L3MBTL4: variants seen among roughly 807,000 people sequenced by gnomAD.
L3MBTL4 encodes lethal(3)malignant brain tumor-like protein 4.
In L3MBTL4, 70 loss-of-function variants were observed where a neutral mutation model predicts 84.5. That is an observed-to-expected ratio of 0.83 (90% CI 0.68 to 1.01). The LOEUF (loss-of-function observed/expected upper bound fraction) is 1.01. Ranked by LOEUF, L3MBTL4 falls within the 50% of genes least tolerant of loss-of-function variation. The probability of loss-of-function intolerance (pLI) is 0.00; values close to 1 mark genes in which losing one functional copy is unlikely to be tolerated. For missense variants in L3MBTL4, 715 were observed against 754.8 expected (o/e 0.95, Z 0.62); for synonymous variants, 274 against 259.8 (o/e 1.05, Z -0.52).
At chr18:6,325,340 G>A (rs2051658867) in intron 1 of L3MBTL4, among the ~76,000 whole-genome samples, 1 of 152,124 alleles carries the variant, frequency 6.6e-6, no homozygotes, top group South Asian at 2.1e-4. Flanking sequence ...AGCAAAGCAA[G>A]CCAAAAGACT....
intron 1 of L3MBTL4, among the ~76,000 whole-genome samples, chr18:6,322,789 C>CA (rs768697703): frequency 5.3e-5 from 8 of 151,708 alleles, no homozygotes; most frequent in Admixed American, 5.3e-4. Flanking sequence ...AAATGGGTAC[C>CA]AAAAAATAGT....
intron 1 of L3MBTL4, among the ~76,000 whole-genome samples, chr18:6,325,408 C>T (rs1214394627): frequency 6.6e-6 from 1 of 152,158 alleles, no homozygotes; most frequent in Non-Finnish European, 1.5e-5. Context: ...TGAACTCAAA[C>T]TCCTGAGCTC....
intron 16 of L3MBTL4, among the ~76,000 whole-genome samples, chr18:6,074,955 T>G (rs1032967434): frequency 6.6e-6 from 1 of 151,956 alleles, no homozygotes; most frequent in African/African-American, 2.4e-5. Context: ...TTCAGGAACA[T>G]ATATAAAAAG....
intron 1 of L3MBTL4, among the ~76,000 whole-genome samples, chr18:6,361,725 G>A (rs1230252890): frequency 6.6e-6 from 1 of 152,162 alleles, no homozygotes; most frequent in Admixed American, 6.5e-5. Flanking sequence ...GCAGTCCTAT[G>A]CAGGGGTTCC....
At chr18:6,154,658 C>A (rs1308971942) in intron 13 of L3MBTL4, among the ~76,000 whole-genome samples, 1 of 152,200 alleles carries the variant, frequency 6.6e-6, no homozygotes, top group Admixed American at 6.5e-5. Flanking sequence ...TAATGCTCAA[C>A]AACGCCAACT....
At chr18:6,269,911 G>A (rs1442207989) in intron 4 of L3MBTL4, among the ~76,000 whole-genome samples, 1 of 152,190 alleles carries the variant, frequency 6.6e-6, no homozygotes, top group Non-Finnish European at 1.5e-5. Context: ...CAAATGGCAG[G>A]GGTAAAGAAT....
At chr18:6,224,646 C>A (rs1174820508) in intron 10 of L3MBTL4, among the ~76,000 whole-genome samples, 1 of 152,178 alleles carries the variant, frequency 6.6e-6, no homozygotes, top group Non-Finnish European at 1.5e-5. Context: ...CCCAAGTCAT[C>A]CATTCTCACC....
intron 4 of L3MBTL4, among the ~76,000 whole-genome samples, chr18:6,273,885 A>G (rs2048974777): frequency 6.6e-6 from 1 of 152,214 alleles, no homozygotes; most frequent in African/African-American, 2.4e-5. Context: ...TGGTGACTCA[A>G]CAGTTTATTC....
intron 13 of L3MBTL4, among the ~76,000 whole-genome samples, chr18:6,144,268 G>A (rs2042555649): frequency 6.7e-6 from 1 of 149,246 alleles, no homozygotes; most frequent in South Asian, 2.1e-4. Context: ...ACAATGCTGT[G>A]AGATCATCAC....
intron 14 of L3MBTL4, among the ~76,000 whole-genome samples, chr18:6,095,493 G>A (rs2058608726): frequency 6.6e-6 from 1 of 151,982 alleles, no homozygotes; most frequent in African/African-American, 2.4e-5. Flanking sequence ...TGGGACTACA[G>A]GTGCCCACAA....
rs150131801 is a variant in L3MBTL4 at position 6,335,193 on chromosome 18, C to T, written c.-90-23137G>A. Among the ~76,000 whole-genome samples the T allele has an allele frequency of 8.7e-3, 1,322 of 152,258 alleles. 18 individuals carry two copies. The highest frequency in any genetic ancestry group is 0.031 in the African/African-American group (1,277 of 41,554). ...GCAACCTCCGTCTCCTGGGTTCAAG[C>T]AATTGTCCTACCTCAGCCTCCTGAG... On this transcript the variant is annotated intron_variant, in intron 1 of 18. Transcript: ENST00000317931.
intron 1 of L3MBTL4, among the ~76,000 whole-genome samples, chr18:6,350,557 A>G (rs1026314142): frequency 3.4e-4 from 52 of 152,216 alleles, no homozygotes; most frequent in Non-Finnish European, 4.4e-4. Context: ...AAAAAAGAAA[A>G]AAAAAAACGG....
chr18:6,316,844 C>T (rs1408531471), intron 1 of L3MBTL4, among the ~76,000 whole-genome samples: 1 of 152,084 alleles, frequency 6.6e-6, no homozygotes, highest in Non-Finnish European at 1.5e-5. Context: ...CTGAAAGCTC[C>T]CCCAGCCACC....
intron 14 of L3MBTL4, among the ~76,000 whole-genome samples, chr18:6,110,152 C>A (rs967432407): frequency 2.6e-5 from 4 of 152,284 alleles, no homozygotes; most frequent in Middle Eastern, 6.8e-3. Context: ...CTGCTTCTAA[C>A]GGGAAACTCT....
chr18:6,144,868 G>C (rs1320589485), intron 13 of L3MBTL4, among the ~76,000 whole-genome samples: 1 of 152,188 alleles, frequency 6.6e-6, no homozygotes, highest in Non-Finnish European at 1.5e-5. Flanking sequence ...TAAGCACAGA[G>C]ACAAATGCAA....
intron 4 of L3MBTL4, among the ~76,000 whole-genome samples, chr18:6,285,856 C>T (rs934633605): frequency 1.4e-5 from 2 of 137,960 alleles, no homozygotes; most frequent in African/African-American, 6.0e-5. Context: ...TTTCCTAAGA[C>T]GAGTCTCACT....
chr18:6,077,776 A>G (rs1399136878), intron 16 of L3MBTL4, among the ~76,000 whole-genome samples: 3 of 151,678 alleles, frequency 2.0e-5, no homozygotes, highest in Non-Finnish European at 2.9e-5. Flanking sequence ...CACGCCTGTA[A>G]TCCCAGCACT....
chr18:6,284,529 G>A (rs1230945180), intron 4 of L3MBTL4, among the ~76,000 whole-genome samples: 2 of 152,216 alleles, frequency 1.3e-5, no homozygotes, highest in Admixed American at 6.5e-5. Flanking sequence ...CAGCTCCCTC[G>A]CTGGCTCCCA....
At chr18:6,045,443 A>T (rs1352784955) in intron 16 of L3MBTL4, among the ~76,000 whole-genome samples, 11 of 149,980 alleles carry the variant, frequency 7.3e-5, no homozygotes, top group Admixed American at 7.3e-4. Flanking sequence ...GGCAATTTAC[A>T]AAAGAAAGAA....
Sources: gnomAD v4.1 joint callset for allele counts (sites outside exome capture counted in the v4.1 genomes callset) on GRCh38, gnomAD v4.1.1 for gene constraint, MANE v1.5 for transcripts, NCBI Gene and HGNC (gene_info 2026-07-23, HGNC 2026-07-21) for gene names.